The following CDK5RAP2 variants were observed in gnomAD, a reference collection of about 807,000 sequenced individuals.
The protein encoded by CDK5RAP2 is CDK5 regulatory subunit-associated protein 2.
In CDK5RAP2, 147 loss-of-function variants were observed where a neutral mutation model predicts 232.9. The observed-to-expected ratio is 0.63, with a 90% CI of 0.55 to 0.72. The LOEUF is 0.72. CDK5RAP2 is among the 30% of genes least tolerant of loss of function. CDK5RAP2 has a pLI of 0.00. For synonymous variants in CDK5RAP2, 833 were observed against 833.7 expected (o/e 1.00, Z 0.01); for missense variants, 2,195 against 2,231.5 (o/e 0.98, Z 0.33).
chr9:120,432,931 A>G (rs1269829733), intron 25 of CDK5RAP2, among the ~76,000 whole-genome samples: 1 of 152,218 alleles, frequency 6.6e-6, no homozygotes, highest in Non-Finnish European at 1.5e-5. Context: ...CTCCACTAAT[A>G]AAATGAAAAC....
chr9:120,519,535 ACT>A (rs1248018728), intron 11 of CDK5RAP2, among the ~76,000 whole-genome samples: 8 of 152,180 alleles, frequency 5.3e-5, no homozygotes, highest in South Asian at 4.1e-4. Context: ...ATCACAAAAG[ACT>A]CTGTAAAAAC....
intron 27 of CDK5RAP2, among the ~76,000 whole-genome samples, chr9:120,419,224 T>TAAAACA (rs2034421660): frequency 6.6e-6 from 1 of 152,190 alleles, no homozygotes; most frequent in Admixed American, 6.5e-5. Flanking sequence ...CCTTTAGAAC[T>TAAAACA]GTAAGAAATA....
In CDK5RAP2 at chr9:120,400,818, T is replaced by A; in HGVS notation, c.5375A>T (p.Glu1792Val). 6.2e-7 allele frequency: 1 copy of A among 1,614,212 alleles called. No individual in the cohort carries two copies. Among genetic ancestry groups the A allele is most frequent in the Non-Finnish European group, 8.5e-7 (1 of 1,180,034 alleles). Reference protein sequence around the residue: ...SVSTAKLTLEEAYRRLKLLWR... With the variant: ...SVSTAKLTLEVAYRRLKLLWR... ...GAGAAGCTTCAGCCGCCTGTAGGCCTCTTCCAGGGTCAGCTTGGCCGTGCT... is the reference window on the plus strand; with the variant it reads ...GAGAAGCTTCAGCCGCCTGTAGGCCACTTCCAGGGTCAGCTTGGCCGTGCT... Residue 1792 changes from glutamate to valine, a missense_variant, in exon 35 of 38, where the codon GAG (glutamate) becomes GTG (valine). Glu to Val is a moderately radical substitution (Grantham distance 121, BLOSUM62 -2). Coordinates refer to ENST00000349780, the MANE Select transcript of CDK5RAP2 (RefSeq NM_018249.6).
At position 120,580,097 on chromosome 9, in the gene CDK5RAP2, A is replaced by G. The variant is rs1587956031; in HGVS notation, c.-119T>C. On this transcript the variant is annotated 5_prime_UTR_variant, in exon 1 of 38. Coordinates refer to ENST00000349780, the MANE Select transcript of CDK5RAP2 (RefSeq NM_018249.6). Reference sequence around the variant, plus strand: ...CCCCTCCACCCCAGCTCTTGTTCAGACTCTGGCGGCGCCGCTGGAATTCAA... The same window carrying G: ...CCCCTCCACCCCAGCTCTTGTTCAGGCTCTGGCGGCGCCGCTGGAATTCAA... 2 of 605,314 alleles carry G rather than the reference A, an allele frequency of 3.3e-6. No individual in the cohort carries two copies. The highest frequency in any genetic ancestry group is 3.1e-5 in the East Asian group (1 of 32,584). The allele number at this position is 605,314 out of a possible 1,614,324, so 37.5% of individuals were successfully genotyped here.
intron 1 of CDK5RAP2, among the ~76,000 whole-genome samples, chr9:120,573,566 A>T (rs554976967): frequency 1.1e-3 from 161 of 149,156 alleles, no homozygotes; most frequent in East Asian, 6.8e-3. Flanking sequence ...AAAAAAATTT[A>T]AAAAAAAAAG....
intron 6 of CDK5RAP2, among the ~76,000 whole-genome samples, chr9:120,536,834 A>G (rs1198799012): frequency 6.6e-6 from 1 of 152,194 alleles, no homozygotes; most frequent in Non-Finnish European, 1.5e-5. Context: ...TGCTCCTCTC[A>G]ATAATAAACA....
chr9:120,478,661 G>A (rs1256889290), intron 14 of CDK5RAP2, among the ~76,000 whole-genome samples: 1 of 152,126 alleles, frequency 6.6e-6, no homozygotes, highest in Non-Finnish European at 1.5e-5. Flanking sequence ...TGCACCTATA[G>A]TCCCAGCTAT....
chr9:120,552,625 T>C (rs893169409), intron 3 of CDK5RAP2, among the ~76,000 whole-genome samples: 5 of 138,172 alleles, frequency 3.6e-5, no homozygotes, highest in Admixed American at 8.2e-5. Flanking sequence ...TTCTCACTCA[T>C]AGGTGGGAAT....
chr9:120,501,693 C>T (rs1310880323), intron 12 of CDK5RAP2, among the ~76,000 whole-genome samples: 1 of 152,124 alleles, frequency 6.6e-6, no homozygotes, highest in African/African-American at 2.4e-5. Context: ...CCATCCCCGA[C>T]AAGGTACCAG....
chr9:120,473,177 A>C (rs1339084895), intron 15 of CDK5RAP2, among the ~76,000 whole-genome samples: 1 of 152,252 alleles, frequency 6.6e-6, no homozygotes, highest in Non-Finnish European at 1.5e-5. Context: ...GATTCCCAGC[A>C]ATGCAATTAC....
chr9:120,483,584 A>G (rs767591177), intron 14 of CDK5RAP2, among the ~76,000 whole-genome samples: 1 of 152,192 alleles, frequency 6.6e-6, no homozygotes, highest in Non-Finnish European at 1.5e-5. Context: ...GTGGGGTTCT[A>G]TGGCTTGCAA....
intron 12 of CDK5RAP2, among the ~76,000 whole-genome samples, chr9:120,497,422 A>AAAAG: frequency 1.6e-4 from 1 of 6,172 alleles, no homozygotes; most frequent in African/African-American, 9.2e-4. Context: ...AAATAAATTT[A>AAAAG]AAAAAAAAAA....
At chr9:120,429,085 T>C (rs2035112609) in intron 25 of CDK5RAP2, among the ~76,000 whole-genome samples, 1 of 152,208 alleles carries the variant, frequency 6.6e-6, no homozygotes, top group South Asian at 2.1e-4. Flanking sequence ...TCTTAATAAA[T>C]TAGGTATTGA....
chr9:120,436,774 AATT>A (rs1254564470), intron 25 of CDK5RAP2, among the ~76,000 whole-genome samples: 3 of 152,166 alleles, frequency 2.0e-5, no homozygotes, highest in African/African-American at 7.2e-5. Flanking sequence ...CTCAAAAAAA[AATT>A]ATTTTAAAAA....
chr9:120,419,706 A>G (rs2034449534), intron 27 of CDK5RAP2, 82 bp downstream of exon 27: 1 of 1,058,768 alleles, frequency 9.4e-7, no homozygotes, highest in South Asian at 1.3e-5. Context: ...AAATGTCACC[A>G]CACTCTGCTT....
At chr9:120,523,272 T>C (rs2131871448) in intron 11 of CDK5RAP2, among the ~76,000 whole-genome samples, 1 of 152,364 alleles carries the variant, frequency 6.6e-6, no homozygotes, top group African/African-American at 2.4e-5. Flanking sequence ...ATAAGATTCC[T>C]TTCTTTCCTT....
intron 27 of CDK5RAP2, among the ~76,000 whole-genome samples, chr9:120,418,232 C>T (rs1460718615): frequency 6.6e-6 from 1 of 152,176 alleles, no homozygotes; most frequent in Non-Finnish European, 1.5e-5. Context: ...AAGAGGGCAT[C>T]ATAAGCCCAA....
chr9:120,550,722 A>AGG (rs2042011965), intron 4 of CDK5RAP2, 70 bp downstream of exon 4: 3 of 896,334 alleles, frequency 3.3e-6, no homozygotes, highest in Non-Finnish European at 5.7e-6. Flanking sequence ...AACAAATATT[A>AGG]ATCAAATTTC....
chr9:120,521,431 G>GT (rs771496513), intron 11 of CDK5RAP2, among the ~76,000 whole-genome samples: 11 of 152,152 alleles, frequency 7.2e-5, no homozygotes, highest in Non-Finnish European at 1.5e-4. Flanking sequence ...CGGGTGGGAG[G>GT]TAACTGAATC....
Sources: allele counts gnomAD v4.1 joint callset (sites outside exome capture counted in the v4.1 genomes callset), GRCh38; gene constraint gnomAD v4.1.1; transcripts MANE v1.5; gene names NCBI Gene and HGNC (gene_info 2026-07-23, HGNC 2026-07-21).